Variants in FOXK1 observed in about 807,000 individuals in gnomAD.
FOXK1 encodes the protein forkhead box protein K1.
Under a neutral mutation model 51.9 loss-of-function variants are expected in FOXK1, and 19 were observed. That is an observed-to-expected ratio of 0.37 (90% CI 0.26 to 0.54). The LOEUF (loss-of-function observed/expected upper bound fraction) is 0.54, where lower values mean the gene tolerates loss of function less well. FOXK1 is among the 20% of genes least tolerant of loss of function. The probability of loss-of-function intolerance (pLI) is 0.87; values close to 1 mark genes in which losing one functional copy is unlikely to be tolerated. For missense variants in FOXK1, 870 were observed against 1,032.7 expected, an observed-to-expected ratio of 0.84 and a Z score of 2.16; for synonymous variants, 537 against 482.6, an observed-to-expected ratio of 1.11 and a Z score of -1.48.
chr7:4,755,321 G>A lies in FOXK1; in HGVS notation c.988G>A (p.Gly330Arg), dbSNP rs749158675. 1.4e-5 allele frequency: 22 copies of A among 1,613,872 alleles called. No individual in the cohort carries two copies. The highest frequency in any genetic ancestry group is 4.4e-5 in the South Asian group (4 of 91,088). The change falls in exon 4 of 9, where the codon GGG (glycine) becomes AGG (arginine). Residue 330 changes from glycine (G) to arginine (R), a missense_variant. Physicochemically the swap from Gly to Arg is moderately radical, Grantham distance 125. Around this residue, in one of 3 missense-constraint regions of FOXK1, gnomAD observed 399 missense variants for 475.6 expected, o/e 0.84. Transcript: ENST00000328914. The surrounding 1 kb of genome is among the most constrained non-coding windows in gnomAD (Gnocchi z 6.6). Reference protein sequence around the residue: ...SAQDRQLTLSGIYAHITKHYP... With the variant: ...SAQDRQLTLSRIYAHITKHYP... ...CCAGGACCGGCAGCTGACCCTGAGC[G>A]GGATCTACGCCCACATCACCAAGCA...
intron 1 of FOXK1, among the ~76,000 whole-genome samples, chr7:4,705,915 A>G (rs933319498): frequency 6.7e-6 from 1 of 148,494 alleles, no homozygotes; most frequent in South Asian, 2.1e-4. Context: ...TTATATATCT[A>G]TATAAACTAT....
At chr7:4,727,815 G>C (rs754304118) in intron 1 of FOXK1, among the ~76,000 whole-genome samples, 4 of 152,220 alleles carry the variant, frequency 2.6e-5, no homozygotes, top group African/African-American at 4.8e-5. Context: ...ATTATAACTT[G>C]TTTGCCAGAG....
chr7:4,759,079 G>A lies in FOXK1; in HGVS notation c.1273G>A (p.Gly425Arg). 3 of 1,608,250 alleles carry A rather than the reference G, an allele frequency of 1.9e-6. No homozygotes were observed. The highest frequency in any genetic ancestry group is 2.5e-6 in the Non-Finnish European group (3 of 1,178,664). ...RSAPASPTHP[G>R]LMSPRSGGLQ... ...CGCTCCAGCTTCGCCCACACACCCC[G>A]GGCTGATGTCCCCTCGCTCCGGCGG... The change falls in exon 6 of 9, where the codon GGG becomes AGG. Residue 425 changes from glycine (G) to arginine (R), a missense_variant. Around this residue, in one of 3 missense-constraint regions of FOXK1, gnomAD observed 457 missense variants for 510.8 expected, o/e 0.89. Coordinates refer to ENST00000328914, the MANE Select transcript of FOXK1 (RefSeq NM_001037165.2).
chr7:4,698,330 ATC>A (rs1338671166), intron 1 of FOXK1, among the ~76,000 whole-genome samples: 3 of 151,738 alleles, frequency 2.0e-5, no homozygotes, highest in African/African-American at 4.8e-5. Flanking sequence ...ATATATATAT[ATC>A]GTGCCCTTTT....
chr7:4,699,310 T>C (rs2115033950), intron 1 of FOXK1, among the ~76,000 whole-genome samples: 1 of 145,468 alleles, frequency 6.9e-6, no homozygotes, highest in Non-Finnish European at 1.5e-5. Context: ...TTTGAGACAG[T>C]CTCACTCTGT....
In FOXK1 at chr7:4,684,497, G is replaced by A. The variant is rs1017547527; in HGVS notation, c.560+1629G>A. On this transcript the variant is annotated intron_variant, in intron 1 of 8. Transcript: ENST00000328914. ...CCTTTTTCTAACCGTGCTGAAAGGTGTGCATTTTGGTAAAATCAGAACTCA... is the reference window on the plus strand; with the variant it reads ...CCTTTTTCTAACCGTGCTGAAAGGTATGCATTTTGGTAAAATCAGAACTCA... 7.9e-5 allele frequency among the ~76,000 whole-genome samples: 12 copies of A among 152,338 alleles called. 1 individual carries two copies. Among genetic ancestry groups the A allele is most frequent in the African/African-American group, 2.9e-4 (12 of 41,584 alleles).
chr7:4,727,504 C>T (rs1197744888), intron 1 of FOXK1, among the ~76,000 whole-genome samples: 9 of 151,932 alleles, frequency 5.9e-5, no homozygotes, highest in African/African-American at 2.2e-4. Context: ...TTAGTAGAGA[C>T]CCGTTTCACC....
At position 4,722,059 on chromosome 7, in the gene FOXK1, C is replaced by G. The variant is rs1233594851; in HGVS notation, c.561-18779C>G. ...ACCCCGCTGCATCCCATACCCTCCA[C>G]CCATCCCAGCAGCCTCATGCCTGTG... On this transcript the variant is annotated intron_variant, in intron 1 of 8. Coordinates refer to ENST00000328914, the MANE Select transcript of FOXK1 (RefSeq NM_001037165.2). The surrounding 1 kb of genome is among the most constrained non-coding windows in gnomAD (Gnocchi z 5.1). Among the ~76,000 whole-genome samples the G allele has an allele frequency of 6.6e-6, 1 of 152,224 alleles. No homozygotes were observed. Among genetic ancestry groups the G allele is most frequent in the Non-Finnish European group, 1.5e-5 (1 of 68,048 alleles).
intron 1 of FOXK1, among the ~76,000 whole-genome samples, chr7:4,732,187 C>T (rs143122707): frequency 2.0e-5 from 3 of 152,350 alleles, no homozygotes; most frequent in South Asian, 2.1e-4. Flanking sequence ...GCCCTGTGTG[C>T]GTCTGATGAC....
chr7:4,736,080 C>T (rs576624702), intron 1 of FOXK1, among the ~76,000 whole-genome samples: 23 of 152,126 alleles, frequency 1.5e-4, no homozygotes, highest in Non-Finnish European at 2.2e-4. Flanking sequence ...ACCTGGGAGG[C>T]GGAGGTTGCA....
At chr7:4,738,218 C>T (rs1301421987) in intron 1 of FOXK1, among the ~76,000 whole-genome samples, 2 of 151,624 alleles carry the variant, frequency 1.3e-5, no homozygotes, top group African/African-American at 4.8e-5. Context: ...GGTTGGGTCA[C>T]CTGAGGTCAG....
At chr7:4,721,455 C>T (rs1485895258) in intron 1 of FOXK1, among the ~76,000 whole-genome samples, 2 of 152,084 alleles carry the variant, frequency 1.3e-5, no homozygotes, top group South Asian at 2.1e-4. Context: ...AATCTCCAGG[C>T]GTCGGCTGTC....
At chr7:4,706,519 C>A (rs1780104549) in intron 1 of FOXK1, among the ~76,000 whole-genome samples, 1 of 152,134 alleles carries the variant, frequency 6.6e-6, no homozygotes, top group African/African-American at 2.4e-5. Flanking sequence ...TCCCAAGCAG[C>A]ATGGCTGGGT....
In FOXK1 at chr7:4,745,499, A is replaced by AT. The variant is rs1361755394; in HGVS notation, c.746+4483dup. 6.6e-6 allele frequency among the ~76,000 whole-genome samples: 1 copy of AT among 150,878 alleles called. No individual in the cohort carries two copies. The highest frequency in any genetic ancestry group is 1.5e-5 in the Non-Finnish European group (1 of 67,720). On this transcript the variant is annotated intron_variant, in intron 2 of 8. Coordinates refer to ENST00000328914, the MANE Select transcript of FOXK1 (RefSeq NM_001037165.2). The surrounding 1 kb of genome is among the most constrained non-coding windows in gnomAD (Gnocchi z 4.3). ...GTGTGTGTGTGTGTGTTTCTGATTT[A>AT]TTTTTTTCTGCCCTGAAGTACTCCA...
At position 4,703,173 on chromosome 7, in the gene FOXK1, G is replaced by C. The variant is rs1045182126; in HGVS notation, c.560+20305G>C. On this transcript the variant is annotated intron_variant, in intron 1 of 8. Coordinates refer to ENST00000328914, the MANE Select transcript of FOXK1 (RefSeq NM_001037165.2). This position sits in a 1 kb window ranked among gnomAD's most constrained non-coding sequence, Gnocchi z 5.6. ...AGGGGATTCCAGGGCAGGCGGCTGG[G>C]AGGGCGTTTCTGAGGAAGTGCTGTT... Among the ~76,000 whole-genome samples the C allele has an allele frequency of 2.0e-5, 3 of 152,150 alleles. No homozygotes were observed. The highest frequency in any genetic ancestry group is 4.4e-5 in the Non-Finnish European group (3 of 68,024).
In FOXK1 at chr7:4,755,130, C is replaced by G; in HGVS notation, c.904-107C>G. On this transcript the variant is annotated intron_variant, in intron 3 of 8. Transcript: ENST00000328914. The surrounding 1 kb of genome is among the most constrained non-coding windows in gnomAD (Gnocchi z 6.6). ...GGCACTGGGACGGGTGCCGGCAAGACGCGCACATTCTCGTGGGAAGGTTCC... is the reference window on the plus strand; with the variant it reads ...GGCACTGGGACGGGTGCCGGCAAGAGGCGCACATTCTCGTGGGAAGGTTCC... The G allele has an allele frequency of 7.1e-7, 1 of 1,417,548 alleles. No homozygotes were observed. The highest frequency in any genetic ancestry group is 9.6e-7 in the Non-Finnish European group (1 of 1,041,410). 87.8% of individuals were successfully genotyped at this position (1,417,548 alleles called of 1,614,324 possible).
At chr7:4,710,584 T>G (rs1323723753) in intron 1 of FOXK1, among the ~76,000 whole-genome samples, 2 of 152,010 alleles carry the variant, frequency 1.3e-5, no homozygotes, top group African/African-American at 2.4e-5. Flanking sequence ...CAAAAATAAA[T>G]AAAGAAATAC....
chr7:4,752,581 A>G (rs1469422929), intron 2 of FOXK1, among the ~76,000 whole-genome samples: 2 of 152,188 alleles, frequency 1.3e-5, no homozygotes, highest in Admixed American at 1.3e-4. Context: ...AGGATCCAGG[A>G]GCCCGCCTGC....
chr7:4,739,429 T>C (rs1780601902), intron 1 of FOXK1, among the ~76,000 whole-genome samples: 1 of 152,262 alleles, frequency 6.6e-6, no homozygotes, highest in Non-Finnish European at 1.5e-5. Flanking sequence ...TTTTGTTTTG[T>C]TTTTAACTGA....
Sources: gnomAD v4.1 joint callset for allele counts (sites outside exome capture counted in the v4.1 genomes callset) on GRCh38, gnomAD v4.1.1 for gene constraint, gnomAD v4.1.1 regional missense constraint, Gnocchi (gnomAD v3.1) non-coding constraint, MANE v1.5 for transcripts, NCBI Gene and HGNC (gene_info 2026-07-23, HGNC 2026-07-21) for gene names.